ANKRD34C: variants seen among roughly 807,000 people sequenced by gnomAD.
ANKRD34C encodes ankyrin repeat domain-containing protein 34C.
For missense variants in ANKRD34C, 563 were observed against 653.0 expected (o/e 0.86, Z 1.50); for synonymous variants, 260 against 253.6 (o/e 1.03, Z -0.24).
intron 1 of ANKRD34C, among the ~76,000 whole-genome samples, chr15:79,284,661 A>G (rs1174775546): frequency 2.0e-5 from 3 of 152,182 alleles, no homozygotes; most frequent in Non-Finnish European, 2.9e-5. Flanking sequence ...TCAGTGTGTA[A>G]TAGCCTCTTA....
chr15:79,285,514 A>G (rs969207176), intron 1 of ANKRD34C, among the ~76,000 whole-genome samples: 3 of 152,222 alleles, frequency 2.0e-5, no homozygotes, highest in African/African-American at 7.2e-5. Flanking sequence ...CCGTTAGCTT[A>G]TTTAGGCCTT....
In ANKRD34C at chr15:79,294,054, T is replaced by C. The variant is rs1383523179; in HGVS notation, c.770T>C (p.Leu257Pro). The C allele has an allele frequency of 6.4e-7, 1 of 1,551,620 alleles. No homozygotes were observed. The highest frequency in any genetic ancestry group is 2.0e-5 in the Admixed American group (1 of 51,004). The change falls in exon 2 of 2, where the codon CTG becomes CCG. Residue 257 changes from leucine to proline, a missense_variant. Physicochemically the swap from Leu to Pro is moderately conservative, Grantham distance 98. Coordinates refer to ENST00000421388, the MANE Select transcript of ANKRD34C (RefSeq NM_001146341.2). ...AGGCTCCAGTCTGAACCTTGGGGCC[T>C]GATAGCGCCCTCGGTGCTGGCAGCC... ...LKRLQSEPWG[L>P]IAPSVLAAST...
chr15:79,288,606 C>A (rs1425545725), intron 1 of ANKRD34C, among the ~76,000 whole-genome samples: 1 of 152,096 alleles, frequency 6.6e-6, no homozygotes, highest in African/African-American at 2.4e-5. Flanking sequence ...GCAGTAGTGA[C>A]CTGACACTAA....
In ANKRD34C at chr15:79,293,333, AAGG is replaced by A. The variant is rs1466678430; in HGVS notation, c.50_52del (p.Lys17_Ala18delinsThr). The A allele has an allele frequency of 1.3e-6, 2 of 1,548,220 alleles. No individual in the cohort carries two copies. Among genetic ancestry groups the A allele is most frequent in the Admixed American group, 3.9e-5 (2 of 50,738 alleles). ...AAGGACTGATGGAAACTCTTTGTTA[AAGG>A]CTGTGTGGCTGGGGAGGCTCAGGTT... On this transcript the variant is annotated inframe_deletion, in exon 2 of 2. Coordinates refer to ENST00000421388, the MANE Select transcript of ANKRD34C (RefSeq NM_001146341.2).
rs1170381840 is a variant in ANKRD34C at position 79,297,795 on chromosome 15, A to G, written c.*2903A>G. The G allele has an allele frequency of 1.2e-5, 2 of 166,646 alleles. No homozygotes were observed. The highest frequency in any genetic ancestry group is 6.5e-5 in the Admixed American group (1 of 15,284). 10.3% of individuals were successfully genotyped at this position (166,646 alleles called of 1,614,324 possible). On this transcript the variant is annotated 3_prime_UTR_variant, in exon 2 of 2. Coordinates refer to ENST00000421388, the MANE Select transcript of ANKRD34C (RefSeq NM_001146341.2). ...TTTTAGATTCAAACATGCTTTCTAG[A>G]TCAGAGGTTAACTTGTCTTTTTGAA... is the stretch of plus-strand genomic sequence containing the variant.
At chr15:79,285,791 G>T (rs1285650398) in intron 1 of ANKRD34C, among the ~76,000 whole-genome samples, 11 of 152,040 alleles carry the variant, frequency 7.2e-5, no homozygotes. Flanking sequence ...CATGACTGTG[G>T]GCTACATCGG....
Position 79,294,954 on chromosome 15 carries a change from C to T in ANKRD34C, c.*62C>T, listed in dbSNP as rs770213713. On this transcript the variant is annotated 3_prime_UTR_variant, in exon 2 of 2. Transcript: ENST00000421388. The stretch of plus-strand genomic sequence containing the variant: ...ATGGAAGGGACTATGGATGAGACTG[C>T]TTCCTGATCATTCCTTAATGTTGAA... 5 of 1,432,100 alleles carry T rather than the reference C, an allele frequency of 3.5e-6. No individual in the cohort carries two copies. Among genetic ancestry groups the T allele is most frequent in the Non-Finnish European group, 4.6e-6 (5 of 1,081,960 alleles). 88.7% of individuals were successfully genotyped at this position (1,432,100 alleles called of 1,614,324 possible).
intron 1 of ANKRD34C, among the ~76,000 whole-genome samples, chr15:79,288,940 T>A (rs2058652765): frequency 6.6e-6 from 1 of 150,564 alleles, no homozygotes; most frequent in Non-Finnish European, 1.5e-5. Flanking sequence ...CCTGCCTCAG[T>A]CTTCCGAGTA....
chr15:79,284,997 A>G (rs2058639523), intron 1 of ANKRD34C, among the ~76,000 whole-genome samples: 1 of 152,252 alleles, frequency 6.6e-6, no homozygotes, highest in African/African-American at 2.4e-5. Flanking sequence ...GCAGTTTCAT[A>G]TGGATTAATC....
At position 79,294,776 on chromosome 15, in the gene ANKRD34C, G is replaced by A. The variant is rs1359482566; in HGVS notation, c.1492G>A (p.Ala498Thr). The A allele has an allele frequency of 6.4e-7, 1 of 1,551,686 alleles. No homozygotes were observed. The highest frequency in any genetic ancestry group is 2.4e-5 in the East Asian group (1 of 40,926). ...ASGLKSMVPV[A>T]PSSPKRVDLR... Reference sequence around the variant, plus strand: ...TGGCTTAAAATCTATGGTTCCTGTTGCTCCAAGTTCACCAAAGAGAGTTGA... The same window carrying A: ...TGGCTTAAAATCTATGGTTCCTGTTACTCCAAGTTCACCAAAGAGAGTTGA... The change falls in exon 2 of 2, where the codon GCT (alanine) becomes ACT (threonine). Residue 498 changes from alanine (A) to threonine (T), a missense_variant. Ala to Thr is a moderately conservative substitution (Grantham distance 58). Transcript: ENST00000421388.
In ANKRD34C at chr15:79,293,661, C is replaced by G; in HGVS notation, c.377C>G (p.Ala126Gly). 6.4e-7 allele frequency: 1 copy of G among 1,551,540 alleles called. No homozygotes were observed. Among genetic ancestry groups the G allele is most frequent in the Non-Finnish European group, 8.7e-7 (1 of 1,146,944 alleles). The stretch of plus-strand genomic sequence containing the variant: ...ACTGGGGCTTCAGCTCTGGTTTATG[C>G]AATAAATGCAGATGACAAGGATGCA... ...DRTGASALVY[A>G]INADDKDALK... Residue 126 changes from alanine to glycine, a missense_variant, in exon 2 of 2, where the codon GCA becomes GGA. Transcript: ENST00000421388.
At position 79,294,630 on chromosome 15, in the gene ANKRD34C, C is replaced by T. The variant is rs2058668125; in HGVS notation, c.1346C>T (p.Thr449Ile). Residue 449 changes from threonine to isoleucine, a missense_variant, in exon 2 of 2, where the codon ACT becomes ATT. Physicochemically the swap from Thr to Ile is moderately conservative, Grantham distance 89. Transcript: ENST00000421388. ...CTTCTAGAACGACGAGGTTCTGGAACTCTGCTCCTTGATCGCATTTCTCAC... is the reference window on the plus strand; with the variant it reads ...CTTCTAGAACGACGAGGTTCTGGAATTCTGCTCCTTGATCGCATTTCTCAC... The part of the protein sequence containing the change: ...PHLLERRGSG[T>I]LLLDRISHTR... 2 of 1,551,720 alleles carry T rather than the reference C, an allele frequency of 1.3e-6. No homozygotes were observed. Among genetic ancestry groups the T allele is most frequent in the Non-Finnish European group, 1.7e-6 (2 of 1,146,992 alleles).
Position 79,290,188 on chromosome 15 carries a change from C to CTTTTTT in ANKRD34C, c.-44-3038_-44-3033dup, listed in dbSNP as rs11382951. Reference sequence around the variant, plus strand: ...TATATGTGCAAGCCATGACACCCAGCTTTTTTTTTTTTTTTTTTTTGGTAG... The same window carrying CTTTTTT: ...TATATGTGCAAGCCATGACACCCAGCTTTTTTTTTTTTTTTTTTTTTTTTTTGGTAG... On this transcript the variant is annotated intron_variant, in intron 1 of 1. Coordinates refer to ENST00000421388, the MANE Select transcript of ANKRD34C (RefSeq NM_001146341.2). 2.8e-5 allele frequency among the ~76,000 whole-genome samples: 3 copies of CTTTTTT among 108,806 alleles called. 1 individual carries two copies. Among genetic ancestry groups the CTTTTTT allele is most frequent in the Non-Finnish European group, 1.8e-5 (1 of 56,344 alleles). 71.4% of individuals were successfully genotyped at this position (108,806 alleles called of 152,430 possible).
chr15:79,294,192 A>G lies in ANKRD34C; in HGVS notation c.908A>G (p.Asp303Gly). 6.4e-7 allele frequency: 1 copy of G among 1,551,640 alleles called. No homozygotes were observed. Among genetic ancestry groups the G allele is most frequent in the Non-Finnish European group, 8.7e-7 (1 of 1,146,980 alleles). ...CCCCTCTCCAGAACCAACAGTATCG[A>G]TAGCAAAGACCCCACCCTCTTTCAC... is the stretch of plus-strand genomic sequence containing the variant. ...RGPLSRTNSI[D>G]SKDPTLFHTV... The change falls in exon 2 of 2, where the codon GAT becomes GGT. Residue 303 changes from aspartate (D) to glycine (G), a missense_variant. By Grantham distance (94) the Asp-to-Gly change is moderately conservative. Coordinates refer to ENST00000421388, the MANE Select transcript of ANKRD34C (RefSeq NM_001146341.2).
chr15:79,292,039 A>T (rs972417944), intron 1 of ANKRD34C, among the ~76,000 whole-genome samples: 1 of 152,252 alleles, frequency 6.6e-6, no homozygotes, highest in African/African-American at 2.4e-5. Context: ...TTTGCCTTCC[A>T]ACTAAATAGA....
Position 79,282,986 on chromosome 15 carries a change from A to C in ANKRD34C, c.-287A>C, listed in dbSNP as rs1281472661. 6.6e-6 allele frequency among the ~76,000 whole-genome samples: 1 copy of C among 152,236 alleles called. No homozygotes were observed. The highest frequency in any genetic ancestry group is 1.9e-4 in the East Asian group (1 of 5,184). ...GAGGAGCGGTGGACCGATTTGAAGG[A>C]ACTGACGCAGAGGTTTTATTCACGA... On this transcript the variant is annotated 5_prime_UTR_variant, in exon 1 of 2. Coordinates refer to ENST00000421388, the MANE Select transcript of ANKRD34C (RefSeq NM_001146341.2).
rs12437550 is a variant in ANKRD34C at position 79,282,800 on chromosome 15, G to A, written c.-473G>A. 2.0e-5 allele frequency among the ~76,000 whole-genome samples: 3 copies of A among 152,128 alleles called. 1 individual carries two copies. The highest frequency in any genetic ancestry group is 4.1e-4 in the South Asian group (2 of 4,836). ...CAGCGCGTCGTCAGCCAGCACAGCC[G>A]GCCGAAGACCAAGCCGGAGGTCTGG... On this transcript the variant is annotated 5_prime_UTR_variant, in exon 1 of 2. Coordinates refer to ENST00000421388, the MANE Select transcript of ANKRD34C (RefSeq NM_001146341.2).
Position 79,296,970 on chromosome 15 carries a change from A to C in ANKRD34C, c.*2078A>C, listed in dbSNP as rs2058673795. Reference sequence around the variant, plus strand: ...TGTGCTTTAGTAAGAGGACTAATCAATACTAGTGTTGGGCCTTCAGGATTC... The same window carrying C: ...TGTGCTTTAGTAAGAGGACTAATCACTACTAGTGTTGGGCCTTCAGGATTC... On this transcript the variant is annotated 3_prime_UTR_variant, in exon 2 of 2. Transcript: ENST00000421388. 6.0e-6 allele frequency: 1 copy of C among 167,098 alleles called. No homozygotes were observed. The highest frequency in any genetic ancestry group is 6.5e-5 in the Admixed American group (1 of 15,296). 10.4% of individuals were successfully genotyped at this position (167,098 alleles called of 1,614,324 possible).
At chr15:79,285,571 A>G (rs1259146569) in intron 1 of ANKRD34C, among the ~76,000 whole-genome samples, 2 of 152,214 alleles carry the variant, frequency 1.3e-5, no homozygotes, top group Admixed American at 1.3e-4. Flanking sequence ...CAGGAAGGAC[A>G]AAATCCTAGC....
Sources: gnomAD v4.1 joint callset for allele counts (sites outside exome capture counted in the v4.1 genomes callset) on GRCh38, gnomAD v4.1.1 for gene constraint, MANE v1.5 for transcripts, NCBI Gene and HGNC (gene_info 2026-07-23, HGNC 2026-07-21) for gene names.